Variants in LIMK2 observed in about 807,000 individuals in gnomAD.
LIMK2 encodes the protein LIM domain kinase 2.
LIMK2 carries 35 observed loss-of-function variants against 75.7 expected under a neutral mutation model. The ratio of observed to expected loss-of-function variants is 0.46; its 90% CI spans 0.35 to 0.61. The LOEUF is 0.61. LIMK2 is among the 20% of genes least tolerant of loss of function. LIMK2 has a pLI of 0.00. For missense variants in LIMK2, 623 were observed against 831.0 expected, an observed-to-expected ratio of 0.75 and a Z score of 3.08; for synonymous variants, 301 against 319.2, an observed-to-expected ratio of 0.94 and a Z score of 0.61.
intron 15 of LIMK2, chr22:31,277,229 G>A: frequency 2.5e-6 from 4 of 1,587,250 alleles, no homozygotes; most frequent in South Asian, 1.1e-5. Context: ...GGACCCTGCG[G>A]CCAGGCCTGG....
chr22:31,262,713 A>G lies in LIMK2; in HGVS notation c.776A>G (p.Asn259Ser), dbSNP rs1468542716. 1 of 1,614,182 alleles carries G rather than the reference A, an allele frequency of 6.2e-7. No individual in the cohort carries two copies. Among genetic ancestry groups the G allele is most frequent in the East Asian group, 2.2e-5 (1 of 44,888 alleles). Reference sequence around the variant, plus strand: ...GCCCGGCTCGCTCCTCACATGCAGAATGCCGGACACCCCCACGCCCTCAGC... The same window carrying G: ...GCCCGGCTCGCTCCTCACATGCAGAGTGCCGGACACCCCCACGCCCTCAGC... ...LEARLAPHMQNAGHPHALSTL... is the reference protein window; with the variant it reads ...LEARLAPHMQSAGHPHALSTL... Residue 259 changes from asparagine (N) to serine (S), a missense_variant, in exon 7 of 16, where the codon AAT becomes AGT. By Grantham distance (46) the Asn-to-Ser change is conservative. Transcript: ENST00000331728. The surrounding 1 kb of genome is among the most constrained non-coding windows in gnomAD (Gnocchi z 5.0).
Position 31,262,108 on chromosome 22 carries a change from C to T in LIMK2, c.552-26C>T. 3 of 1,589,270 alleles carry T rather than the reference C, an allele frequency of 1.9e-6. No homozygotes were observed. The highest frequency in any genetic ancestry group is 8.6e-7 in the Non-Finnish European group (1 of 1,157,456). On this transcript the variant is annotated intron_variant, in intron 5 of 15. Coordinates refer to ENST00000331728, the MANE Select transcript of LIMK2 (RefSeq NM_005569.4). This position sits in a 1 kb window ranked among gnomAD's most constrained non-coding sequence, Gnocchi z 5.0. ...AAGCAGGTTTTTAGGACATCTTTAC[C>T]CTGCCTCAACTCTTGTCTGGCCCAG...
At chr22:31,272,843 A>G in intron 13 of LIMK2, 139 bp downstream of exon 13, 5 of 1,412,036 alleles carry the variant, frequency 3.5e-6, no homozygotes, top group Non-Finnish European at 3.7e-6. Context: ...TTCCCTTGCC[A>G]GGTGGGGCCT....
At chr22:31,246,765 A>C (rs1260738535) in intron 2 of LIMK2, among the ~76,000 whole-genome samples, 8 of 147,152 alleles carry the variant, frequency 5.4e-5, no homozygotes, top group East Asian at 1.9e-4. Context: ...ACTCAAAAAA[A>C]AAAAAACAAA....
chr22:31,223,850 G>A (rs1461819104), intron 1 of LIMK2, among the ~76,000 whole-genome samples: 1 of 152,210 alleles, frequency 6.6e-6, no homozygotes, highest in Non-Finnish European at 1.5e-5. Context: ...TGAGAAGAGT[G>A]GAATGGGTGG....
chr22:31,258,139 G>A (rs1162409187), intron 2 of LIMK2, 152 bp from the exon 3 acceptor site: 1 of 715,476 alleles, frequency 1.4e-6, no homozygotes, highest in Non-Finnish European at 2.2e-6. Context: ...AGCTTCCCTT[G>A]GGGAGATAGC....
At chr22:31,225,993 AC>A (rs1408788893) in intron 2 of LIMK2, among the ~76,000 whole-genome samples, 174 bp downstream of exon 2, 2 of 152,046 alleles carry the variant, frequency 1.3e-5, no homozygotes, top group Non-Finnish European at 2.9e-5. Flanking sequence ...GCCCCCCTGA[AC>A]CCAGGTTAAA....
chr22:31,261,740 C>G (rs911352443), intron 5 of LIMK2, among the ~76,000 whole-genome samples: 4 of 151,814 alleles, frequency 2.6e-5, no homozygotes, highest in Non-Finnish European at 5.9e-5. Flanking sequence ...TGCACTCCAG[C>G]CTGGATGACA....
chr22:31,238,737 A>G (rs1023647366), intron 2 of LIMK2, among the ~76,000 whole-genome samples: 10 of 152,228 alleles, frequency 6.6e-5, no homozygotes, highest in Admixed American at 4.6e-4. Context: ...TTCCTTTTAC[A>G]GAGGAAGAAG....
chr22:31,227,579 C>G (rs2048490376), intron 2 of LIMK2, among the ~76,000 whole-genome samples: 1 of 152,178 alleles, frequency 6.6e-6, no homozygotes, highest in Non-Finnish European at 1.5e-5. Flanking sequence ...TTTTCTGTTC[C>G]ATTTAGTATG....
At chr22:31,220,454 G>A (rs1325698424) in intron 1 of LIMK2, among the ~76,000 whole-genome samples, 1 of 152,190 alleles carries the variant, frequency 6.6e-6, no homozygotes, top group Non-Finnish European at 1.5e-5. Context: ...CCAGGCCCAA[G>A]GTTAGGCCCT....
At chr22:31,217,731 G>A (rs2048400285) in intron 1 of LIMK2, among the ~76,000 whole-genome samples, 2 of 152,192 alleles carry the variant, frequency 1.3e-5, no homozygotes, top group South Asian at 4.1e-4. Context: ...CTCATTCACA[G>A]TTGAGTGAAC....
In LIMK2 at chr22:31,262,799, C is replaced by G; in HGVS notation, c.854+8C>G. ...GAGGAGACGTTCCCTAAGGTGCCAC[C>G]TCCCACCCTGGCTCTGTTCTGTCCT... On this transcript the variant is annotated splice_region_variant and intron_variant, in intron 7 of 15. Coordinates refer to ENST00000331728, the MANE Select transcript of LIMK2 (RefSeq NM_005569.4). The surrounding 1 kb of genome is among the most constrained non-coding windows in gnomAD (Gnocchi z 5.0). 3.2e-6 allele frequency: 5 copies of G among 1,583,532 alleles called. No individual in the cohort carries two copies. Among genetic ancestry groups the G allele is most frequent in the Non-Finnish European group, 4.3e-6 (5 of 1,162,650 alleles).
At chr22:31,270,724 G>C (rs1203916953) in intron 11 of LIMK2, among the ~76,000 whole-genome samples, 1 of 152,234 alleles carries the variant, frequency 6.6e-6, no homozygotes, top group African/African-American at 2.4e-5. Flanking sequence ...CTCTGTTGCA[G>C]GCAGGAAGGA....
intron 2 of LIMK2, among the ~76,000 whole-genome samples, chr22:31,257,039 G>GTTTTT: frequency 1.1e-5 from 1 of 94,448 alleles, no homozygotes; most frequent in African/African-American, 3.5e-5. Flanking sequence ...GGGAGCTATA[G>GTTTTT]ATTTTTTTTT....
At chr22:31,221,499 T>A (rs1299969338) in intron 1 of LIMK2, among the ~76,000 whole-genome samples, 4 of 152,118 alleles carry the variant, frequency 2.6e-5, no homozygotes, top group Non-Finnish European at 5.9e-5. Flanking sequence ...AATTATTATT[T>A]TTTGAGACAG....
chr22:31,262,327 C>G lies in LIMK2; in HGVS notation c.657+88C>G, dbSNP rs926761413. 5 of 1,080,840 alleles carry G rather than the reference C, an allele frequency of 4.6e-6. No individual in the cohort carries two copies. In the East Asian group the frequency reaches 1.2e-4, roughly 26 times the overall value. The allele number at this position is 1,080,840 out of a possible 1,614,324, so 67.0% of individuals were successfully genotyped here. A position where few individuals can be genotyped will look rare whatever the true frequency, so the allele number is the denominator to read the frequency against. ...AGGCTGTAGCCTTTACCTTTTCCTA[C>G]CCCCAGCCCATCTCTTTGTCTTAGC... On this transcript the variant is annotated intron_variant, in intron 6 of 15. Coordinates refer to ENST00000331728, the MANE Select transcript of LIMK2 (RefSeq NM_005569.4). The surrounding 1 kb of genome is among the most constrained non-coding windows in gnomAD (Gnocchi z 5.0).
chr22:31,235,784 G>A (rs1395100434), intron 2 of LIMK2, among the ~76,000 whole-genome samples: 2 of 152,204 alleles, frequency 1.3e-5, no homozygotes, highest in Admixed American at 6.5e-5. Flanking sequence ...GGGGAGTGGG[G>A]TGGATAGGTT....
chr22:31,256,766 T>C (rs2048786643), intron 2 of LIMK2, among the ~76,000 whole-genome samples: 1 of 152,150 alleles, frequency 6.6e-6, no homozygotes, highest in African/African-American at 2.4e-5. Flanking sequence ...AGTGGCAGGA[T>C]CAAGATTCAA....
Sources: allele counts gnomAD v4.1 joint callset (sites outside exome capture counted in the v4.1 genomes callset), GRCh38; gene constraint gnomAD v4.1.1; non-coding constraint Gnocchi (gnomAD v3.1); transcripts MANE v1.5; gene names NCBI Gene and HGNC (gene_info 2026-07-23, HGNC 2026-07-21).